DOCK2: variants seen among roughly 807,000 people sequenced by gnomAD.
The protein encoded by DOCK2 is dedicator of cytokinesis 2.
In DOCK2, 87 loss-of-function variants were observed where a neutral mutation model predicts 248.9. The observed-to-expected ratio is 0.35, with a 90% CI of 0.29 to 0.42. The LOEUF (loss-of-function observed/expected upper bound fraction) is 0.42. Among genes scored for constraint, DOCK2 ranks in the 10% least tolerant of loss-of-function variants. DOCK2 has a pLI of 1.00. For missense variants in DOCK2, 1,747 were observed against 2,300.2 expected, an observed-to-expected ratio of 0.76 and a Z score of 4.92; for synonymous variants, 805 against 821.6, an observed-to-expected ratio of 0.98 and a Z score of 0.35.
chr5:169,857,104 C>A (rs900950842), intron 27 of DOCK2, among the ~76,000 whole-genome samples: 1 of 152,130 alleles, frequency 6.6e-6, no homozygotes, highest in Non-Finnish European at 1.5e-5. Flanking sequence ...AAATGCTTTG[C>A]CCAAAATGTT....
intron 32 of DOCK2, 36 bp from the exon 33 acceptor site, chr5:170,018,924 A>G: frequency 1.2e-6 from 2 of 1,604,030 alleles, no homozygotes; most frequent in African/African-American, 2.7e-5. Flanking sequence ...GCGTCGCCGA[A>G]CTGTTTTATG....
rs147643119 is a variant in DOCK2 at position 169,857,673 on chromosome 5, A to G, written c.2799+16821A>G. Among the ~76,000 whole-genome samples, 522 of 151,802 alleles carry G rather than the reference A, an allele frequency of 3.4e-3. 4 individuals are homozygous for G. The highest frequency in any genetic ancestry group is 0.012 in the African/African-American group (508 of 41,394). On this transcript the variant is annotated intron_variant, in intron 27 of 51. Transcript: ENST00000520908. ...AGAAGATGGAAAAATTGCTCTTTCT[A>G]TTCCTCAGGGACTTAAGTCTCTCTT...
At chr5:170,018,874 C>CTTT in intron 32 of DOCK2, 86 bp from the exon 33 acceptor site, 8 of 1,510,082 alleles carry the variant, frequency 5.3e-6, no homozygotes, top group African/African-American at 1.4e-5. Flanking sequence ...TTATGCTTCC[C>CTTT]TTTTTTTCTT....
chr5:169,714,586 T>C, intron 19 of DOCK2, 129 bp downstream of exon 19: 2 of 949,690 alleles, frequency 2.1e-6, no homozygotes, highest in Non-Finnish European at 1.6e-6. Context: ...GGATACACTC[T>C]CCCGAGTTGC....
intron 27 of DOCK2, among the ~76,000 whole-genome samples, chr5:169,910,999 T>G (rs1222022427): frequency 1.3e-5 from 2 of 152,212 alleles, no homozygotes; most frequent in Non-Finnish European, 2.9e-5. Flanking sequence ...AACCCTCAGG[T>G]GCCTCCAAGG....
rs948575532 is a variant in DOCK2 at position 170,023,311 on chromosome 5, C to T, written c.3381+4203C>T. ...TTTGCTCATTGAATTAATTAATAGACGGAGATAGCCATGTTAGCAGATTCC... is the reference window on the plus strand; with the variant it reads ...TTTGCTCATTGAATTAATTAATAGATGGAGATAGCCATGTTAGCAGATTCC... On this transcript the variant is annotated intron_variant, in intron 33 of 51. Transcript: ENST00000520908. Among the ~76,000 whole-genome samples, 5 of 152,162 alleles carry T rather than the reference C, an allele frequency of 3.3e-5. No individual in the cohort carries two copies. The East Asian group carries it at 7.7e-4, about 23-fold the overall frequency.
chr5:169,825,298 C>A (rs1480857899), intron 26 of DOCK2, among the ~76,000 whole-genome samples: 1 of 152,154 alleles, frequency 6.6e-6, no homozygotes, highest in African/African-American at 2.4e-5. Context: ...ATAAATCATG[C>A]TGCTATAAAG....
At chr5:169,745,336 G>A (rs1763551296) in intron 22 of DOCK2, among the ~76,000 whole-genome samples, 1 of 152,148 alleles carries the variant, frequency 6.6e-6, no homozygotes, top group Middle Eastern at 3.2e-3. Context: ...TGTGAAGTGG[G>A]GATGAGAGCA....
chr5:169,665,028 A>G (rs1181342465), intron 2 of DOCK2, among the ~76,000 whole-genome samples: 4 of 133,466 alleles, frequency 3.0e-5, no homozygotes, highest in African/African-American at 1.1e-4. Flanking sequence ...ATGTTTATAT[A>G]TAAGTATCAG....
chr5:170,052,378 G>A (rs1320623247), intron 41 of DOCK2, among the ~76,000 whole-genome samples: 1 of 152,184 alleles, frequency 6.6e-6, no homozygotes, highest in East Asian at 1.9e-4. Context: ...GAACAGCTCT[G>A]TGGCCTTTTA....
intron 27 of DOCK2, among the ~76,000 whole-genome samples, chr5:169,949,125 G>A (rs1307600830): frequency 6.6e-6 from 1 of 152,130 alleles, no homozygotes; most frequent in Non-Finnish European, 1.5e-5. Flanking sequence ...AATTTCCTTG[G>A]CATCTTTTTG....
At chr5:169,816,651 T>C (rs1241557263) in intron 26 of DOCK2, among the ~76,000 whole-genome samples, 1 of 152,232 alleles carries the variant, frequency 6.6e-6, no homozygotes, top group Non-Finnish European at 1.5e-5. Context: ...ATTCCTTCAC[T>C]CTGGAAGGGA....
At chr5:169,714,752 A>G (rs1248563383) in intron 19 of DOCK2, among the ~76,000 whole-genome samples, 2 of 152,216 alleles carry the variant, frequency 1.3e-5, no homozygotes, top group East Asian at 3.8e-4. Flanking sequence ...ATGTGATAAT[A>G]TAAAAGTGAC....
rs1304330514 is a variant in DOCK2, at chr5:169,841,363, T to C, written c.2799+511T>C. The C allele has an allele frequency of 2.0e-5, 20 of 987,432 alleles. No individual in the cohort carries two copies. The East Asian group carries it at 2.0e-3, about 100-fold the overall frequency. The allele number at this position is 987,432 out of a possible 1,614,324, so 61.2% of individuals were successfully genotyped here. On this transcript the variant is annotated intron_variant, in intron 27 of 51. Transcript: ENST00000520908. Reference sequence around the variant, plus strand: ...TATGTTCTGAAGATCAGGAAATTTCTGCCCCGTCATCTGATTATTTTTCTT... The same window carrying C: ...TATGTTCTGAAGATCAGGAAATTTCCGCCCCGTCATCTGATTATTTTTCTT...
chr5:169,883,533 C>T lies in DOCK2; in HGVS notation c.2799+42681C>T. ...CACTTTGGGAGGCTGTTGGCATTTC[C>T]ACCAGGGACTTACTGGCTGTGAGTC... is the stretch of plus-strand genomic sequence containing the variant. On this transcript the variant is annotated intron_variant, in intron 27 of 51. Transcript: ENST00000520908. 2 of 1,551,630 alleles carry T rather than the reference C, an allele frequency of 1.3e-6. 1 individual carries two copies. Among genetic ancestry groups the T allele is most frequent in the South Asian group, 2.4e-5 (2 of 84,044 alleles).
intron 27 of DOCK2, among the ~76,000 whole-genome samples, chr5:169,926,216 T>C (rs1049088867): frequency 6.6e-6 from 1 of 152,210 alleles, no homozygotes; most frequent in African/African-American, 2.4e-5. Flanking sequence ...AGTGCCTGAC[T>C]TGGGGACCAC....
intron 25 of DOCK2, among the ~76,000 whole-genome samples, chr5:169,770,104 A>C (rs1038530069): frequency 2.0e-5 from 3 of 152,122 alleles, no homozygotes; most frequent in African/African-American, 4.8e-5. Flanking sequence ...ATTAATTCAA[A>C]ATACATCTTA....
At chr5:169,890,010 T>G (rs185252121) in intron 27 of DOCK2, among the ~76,000 whole-genome samples, 1 of 152,298 alleles carries the variant, frequency 6.6e-6, no homozygotes, top group Admixed American at 6.5e-5. Flanking sequence ...CATTTTCAAA[T>G]CCCATGTAAT....
intron 27 of DOCK2, among the ~76,000 whole-genome samples, chr5:169,951,520 G>A (rs943663001): frequency 6.6e-6 from 1 of 152,190 alleles, no homozygotes; most frequent in Non-Finnish European, 1.5e-5. Context: ...CCATTCTGGA[G>A]GTTCAGAGTT....
Sources: gnomAD v4.1 joint callset for allele counts (sites outside exome capture counted in the v4.1 genomes callset) on GRCh38, gnomAD v4.1.1 for gene constraint, MANE v1.5 for transcripts, NCBI Gene and HGNC (gene_info 2026-07-23, HGNC 2026-07-21) for gene names.